HP1BP3: variants seen among roughly 807,000 people sequenced by gnomAD.
HP1BP3 encodes heterochromatin protein 1 binding protein 3.
A neutral mutation model predicts 62.5 loss-of-function variants in HP1BP3; 12 were observed. That is an observed-to-expected ratio of 0.19 (90% confidence interval 0.12 to 0.31). The LOEUF (loss-of-function observed/expected upper bound fraction) is 0.31. Among genes scored for constraint, HP1BP3 ranks in the 10% least tolerant of loss-of-function variants. The pLI is 1.00. For synonymous variants in HP1BP3, 260 were observed against 237.8 expected (o/e 1.09, Z -0.86); for missense variants, 502 against 651.8 (o/e 0.77, Z 2.50).
intron 6 of HP1BP3, 32 bp downstream of exon 6, chr1:20,770,893 CAATGA>C: frequency 6.7e-7 from 1 of 1,495,254 alleles, no homozygotes; most frequent in Non-Finnish European, 9.0e-7. Context: ...AGCTAATACA[CAATGA>C]AATGATCTTA....
In HP1BP3 at chr1:20,778,036, C is replaced by G. The variant is rs751578844; in HGVS notation, c.197-1286G>C. On this transcript the variant is annotated intron_variant, in intron 3 of 12. Transcript: ENST00000438032. ...CTGCCCCTCAACCCAACAATTTGAC[C>G]TAAATGGCTGCATGGGCAAGAATTT... 2.6e-5 allele frequency among the ~76,000 whole-genome samples: 4 copies of G among 152,262 alleles called. No individual in the cohort carries two copies. In the South Asian group the frequency reaches 8.3e-4, roughly 32 times the overall value.
At chr1:20,781,304 T>C (rs1416341594) in intron 1 of HP1BP3, among the ~76,000 whole-genome samples, 3 of 152,188 alleles carry the variant, frequency 2.0e-5, no homozygotes, top group Non-Finnish European at 4.4e-5. Flanking sequence ...TCTAGATCTC[T>C]GTGCTAATGA....
chr1:20,777,048 C>T (rs2057334922), intron 3 of HP1BP3, among the ~76,000 whole-genome samples: 1 of 152,144 alleles, frequency 6.6e-6, no homozygotes, highest in Admixed American at 6.6e-5. Context: ...TCATGAGACT[C>T]ATAATTAAGA....
At chr1:20,766,239 C>T (rs1028724883) in intron 7 of HP1BP3, among the ~76,000 whole-genome samples, 1 of 152,012 alleles carries the variant, frequency 6.6e-6, no homozygotes, top group Non-Finnish European at 1.5e-5. Flanking sequence ...TGCAGAGATC[C>T]GAGATTGCAT....
chr1:20,764,601 ACAG>A (rs544741594), intron 8 of HP1BP3, among the ~76,000 whole-genome samples: 42 of 151,260 alleles, frequency 2.8e-4, no homozygotes, highest in Admixed American at 1.7e-3. Flanking sequence ...GAGAAGATAC[ACAG>A]TTCAATACTA....
At chr1:20,776,505 T>C (rs1432048228) in intron 4 of HP1BP3, 92 bp downstream of exon 4, 6 of 1,152,732 alleles carry the variant, frequency 5.2e-6, no homozygotes, top group Non-Finnish European at 7.4e-6. Flanking sequence ...ATACCTAGCA[T>C]AAACCAATGT....
chr1:20,774,963 C>G (rs1020697357), intron 4 of HP1BP3: 5 of 150,886 alleles, frequency 3.3e-5, no homozygotes, highest in Non-Finnish European at 7.4e-5. Context: ...CACACTCCAA[C>G]CTGGGTGACA....
intron 8 of HP1BP3, 45 bp downstream of exon 8, chr1:20,765,331 AG>A: frequency 1.5e-6 from 2 of 1,345,002 alleles, no homozygotes; most frequent in Non-Finnish European, 2.0e-6. Context: ...AGGGAGCTAA[AG>A]GAAGTAACAC....
chr1:20,783,673 G>C (rs2057678018), intron 1 of HP1BP3, among the ~76,000 whole-genome samples: 1 of 149,918 alleles, frequency 6.7e-6, no homozygotes, highest in South Asian at 2.1e-4. Flanking sequence ...GGGAGGCTCA[G>C]GCAGGAGAAT....
chr1:20,764,008 C>T (rs2056630297), intron 8 of HP1BP3, among the ~76,000 whole-genome samples: 1 of 152,024 alleles, frequency 6.6e-6, no homozygotes, highest in African/African-American at 2.4e-5. Flanking sequence ...TACATTTTAA[C>T]CCAATACTAG....
chr1:20,779,757 T>A, intron 3 of HP1BP3, 55 bp downstream of exon 3: 4 of 1,077,670 alleles, frequency 3.7e-6, no homozygotes, highest in Admixed American at 2.3e-5. Flanking sequence ...TATGGGACAC[T>A]CCAAATTGCA....
At chr1:20,762,523 TAATC>T (rs2056545419) in intron 8 of HP1BP3, among the ~76,000 whole-genome samples, 1 of 152,174 alleles carries the variant, frequency 6.6e-6, no homozygotes, top group Non-Finnish European at 1.5e-5. Context: ...ACGAATCCCC[TAATC>T]ACAAGGAAAA....
At chr1:20,750,835 T>TTTTG (rs2055696433) in intron 9 of HP1BP3, among the ~76,000 whole-genome samples, 1 of 149,224 alleles carries the variant, frequency 6.7e-6, no homozygotes, top group African/African-American at 2.5e-5. Context: ...TTTTTTTTTT[T>TTTTG]GAGACAGAGT....
chr1:20,754,463 T>G (rs1003616249), intron 9 of HP1BP3, among the ~76,000 whole-genome samples: 1 of 151,302 alleles, frequency 6.6e-6, no homozygotes, highest in African/African-American at 2.4e-5. Context: ...CTCCAGCTGT[T>G]TTTTTGGTTT....
chr1:20,753,231 C>T (rs928293833), intron 9 of HP1BP3, among the ~76,000 whole-genome samples: 4 of 152,260 alleles, frequency 2.6e-5, no homozygotes, highest in South Asian at 2.1e-4. Context: ...CATGAGCCAC[C>T]GCGCCTGACC....
At chr1:20,777,963 T>C (rs922703801) in intron 3 of HP1BP3, among the ~76,000 whole-genome samples, 1 of 152,154 alleles carries the variant, frequency 6.6e-6, no homozygotes, top group Non-Finnish European at 1.5e-5. Context: ...ATAACTACAT[T>C]TAGGTTTTCC....
intron 5 of HP1BP3, among the ~76,000 whole-genome samples, chr1:20,771,967 T>C (rs2057081358): frequency 6.6e-6 from 1 of 152,160 alleles, no homozygotes; most frequent in African/African-American, 2.4e-5. Context: ...AGGTAGATGG[T>C]CCAGAAAAGA....
Position 20,740,771 on chromosome 1 carries a change from T to C in HP1BP3, c.*4026A>G, listed in dbSNP as rs1031080274. Among the ~76,000 whole-genome samples, 1 of 152,216 alleles carries C rather than the reference T, an allele frequency of 6.6e-6. No individual in the cohort carries two copies. Among genetic ancestry groups the C allele is most frequent in the Non-Finnish European group, 1.5e-5 (1 of 68,044 alleles). Reference sequence around the variant, plus strand: ...AGTTCAAAGCTGCAGTGAGCCAAGATCACACCACTGCGCTGCAGCCTTAGT... The same window carrying C: ...AGTTCAAAGCTGCAGTGAGCCAAGACCACACCACTGCGCTGCAGCCTTAGT... On this transcript the variant is annotated 3_prime_UTR_variant, in exon 13 of 13. Coordinates refer to ENST00000438032, the MANE Select transcript of HP1BP3 (RefSeq NM_001372052.1).
intron 9 of HP1BP3, among the ~76,000 whole-genome samples, chr1:20,755,788 G>A (rs976570043): frequency 2.6e-5 from 4 of 152,124 alleles, no homozygotes; most frequent in African/African-American, 7.2e-5. Flanking sequence ...GACATCCATA[G>A]AATGAAATAC....
Sources: allele counts gnomAD v4.1 joint callset (sites outside exome capture counted in the v4.1 genomes callset), GRCh38; gene constraint gnomAD v4.1.1; transcripts MANE v1.5; gene names NCBI Gene and HGNC (gene_info 2026-07-23, HGNC 2026-07-21).